PTPN3: variants seen among roughly 807,000 people sequenced by gnomAD.
The protein encoded by PTPN3 is protein tyrosine phosphatase non-receptor type 3.
A neutral mutation model predicts 132.7 loss-of-function variants in PTPN3; 96 were observed. The observed-to-expected ratio is 0.72, with a 90% confidence interval of 0.61 to 0.86. The LOEUF (loss-of-function observed/expected upper bound fraction) is 0.86, where lower values mean the gene tolerates loss of function less well. Among genes scored for constraint, PTPN3 ranks in the 40% least tolerant of loss-of-function variants. The pLI, the probability that PTPN3 is intolerant of heterozygous loss-of-function variation, is 0.00. For missense variants in PTPN3, 1,125 were observed against 1,159.6 expected, an observed-to-expected ratio of 0.97 and a Z score of 0.43; for synonymous variants, 398 against 429.0, an observed-to-expected ratio of 0.93 and a Z score of 0.89.
chr9:109,505,986 C>T, the PTPN3 span, among the ~76,000 whole-genome samples: 9 of 151,626 alleles, frequency 5.9e-5, no homozygotes, highest in African/African-American at 1.2e-4. Flanking sequence ...CTCCTGACCT[C>T]GTGATCCGCC....
At chr9:109,485,635 C>G (rs1045923989) in intron 1 of PTPN3, among the ~76,000 whole-genome samples, 1 of 152,250 alleles carries the variant, frequency 6.6e-6, no homozygotes, top group Non-Finnish European at 1.5e-5. Flanking sequence ...AGCTCCCCTT[C>G]CCCGCCCAGT....
intron 21 of PTPN3, among the ~76,000 whole-genome samples, chr9:109,389,869 C>G (rs536469437): frequency 6.6e-6 from 1 of 152,178 alleles, no homozygotes; most frequent in Admixed American, 6.5e-5. Context: ...TGAAGTTGGT[C>G]AATCTTGACA....
chr9:109,510,486 A>G, the PTPN3 span, among the ~76,000 whole-genome samples: 1 of 149,846 alleles, frequency 6.7e-6, no homozygotes, highest in African/African-American at 2.5e-5. Context: ...TGAACCCCGG[A>G]GGCAGAGGTT....
the PTPN3 span, among the ~76,000 whole-genome samples, chr9:109,520,019 C>T: frequency 1.3e-5 from 2 of 152,020 alleles, no homozygotes; most frequent in African/African-American, 4.8e-5. Context: ...ATTAGCCAGG[C>T]GTGGTGGTGG....
chr9:109,449,519 G>T, intron 5 of PTPN3: 1 of 985,558 alleles, frequency 1.0e-6, no homozygotes, highest in Non-Finnish European at 1.2e-6. Flanking sequence ...TTGTGGGCAA[G>T]TCGTGGCAGG....
chr9:109,422,680 T>C (rs369960761), intron 13 of PTPN3, 38 bp downstream of exon 13: 91 of 1,528,980 alleles, frequency 6.0e-5, no homozygotes, highest in Non-Finnish European at 7.4e-5. Flanking sequence ...AAGTGTCTAC[T>C]GTTGGGTAGT....
At chr9:109,497,610 G>T (rs76954947) in intron 1 of PTPN3, among the ~76,000 whole-genome samples, 1 of 152,182 alleles carries the variant, frequency 6.6e-6, no homozygotes, top group Non-Finnish European at 1.5e-5. Flanking sequence ...TTTCGGGGGG[G>T]CTGGGCACTC....
the PTPN3 span, chr9:109,533,808 C>G: frequency 1.0e-6 from 1 of 976,266 alleles, no homozygotes; most frequent in South Asian, 1.5e-5. Flanking sequence ...GGAGCACGCT[C>G]CCATCCCTCG....
At chr9:109,407,741 A>G (rs1588348644) in intron 17 of PTPN3, among the ~76,000 whole-genome samples, 1 of 152,160 alleles carries the variant, frequency 6.6e-6, no homozygotes, top group East Asian at 1.9e-4. Context: ...GATGGGTTTC[A>G]CCCTGTTGGC....
chr9:109,534,170 C>T, the PTPN3 span: 5 of 921,112 alleles, frequency 5.4e-6, no homozygotes, highest in South Asian at 1.3e-5. Flanking sequence ...GTTGCGATGA[C>T]CTTCTTGTCC....
chr9:109,490,019 TAAA>T (rs993714165), intron 1 of PTPN3, among the ~76,000 whole-genome samples: 9 of 151,470 alleles, frequency 5.9e-5, no homozygotes, highest in African/African-American at 1.9e-4. Flanking sequence ...TCATCTCTAT[TAAA>T]AATACAAAAA....
chr9:109,492,586 G>A (rs1847512271), intron 1 of PTPN3, among the ~76,000 whole-genome samples: 1 of 152,158 alleles, frequency 6.6e-6, no homozygotes, highest in South Asian at 2.1e-4. Flanking sequence ...AACTTAAAGG[G>A]AATAGGTGCA....
In PTPN3 at chr9:109,428,610, TA is replaced by T; in HGVS notation, c.828+10del. 1 of 1,612,370 alleles carries T rather than the reference TA, an allele frequency of 6.2e-7. No individual in the cohort carries two copies. Among genetic ancestry groups the T allele is most frequent in the Non-Finnish European group, 8.5e-7 (1 of 1,178,570 alleles). ...GCACGAAACAAAGCAAGCAAAGACA[TA>T]ACTACTCACCTGTTTCTGTCGCTGA... On this transcript the variant is annotated intron_variant, in intron 11 of 25. Transcript: ENST00000374541.
At chr9:109,511,071 T>C in the PTPN3 span, among the ~76,000 whole-genome samples, 1 of 152,148 alleles carries the variant, frequency 6.6e-6, no homozygotes, top group Admixed American at 6.5e-5. Context: ...TAGGGGCATA[T>C]TTTTATATCA....
chr9:109,500,449 A>G (rs768584655), upstream of PTPN3, among the ~76,000 whole-genome samples: 32 of 152,286 alleles, frequency 2.1e-4, no homozygotes, highest in Middle Eastern at 6.8e-3. Flanking sequence ...TTAAATCACC[A>G]TAACAGAAGC....
intron 21 of PTPN3, 32 bp from the exon 22 acceptor site, chr9:109,389,411 G>A (rs1382768942): frequency 1.2e-6 from 2 of 1,600,850 alleles, no homozygotes; most frequent in South Asian, 2.2e-5. Flanking sequence ...ATTAGAATCT[G>A]TTGCTGCCCC....
the PTPN3 span, among the ~76,000 whole-genome samples, chr9:109,523,261 C>T: frequency 1.5e-4 from 23 of 151,974 alleles, no homozygotes; most frequent in South Asian, 6.3e-4. Flanking sequence ...ACTACAGGCA[C>T]GTGCCACCAT....
At chr9:109,383,325 C>T (rs59979489) in intron 23 of PTPN3, 98 bp downstream of exon 23, 17 of 1,597,106 alleles carry the variant, frequency 1.1e-5, no homozygotes, top group Admixed American at 3.3e-5. Context: ...TTGCCAGGTG[C>T]AAACAGAGTG....
At chr9:109,536,498 G>A in the PTPN3 span, among the ~76,000 whole-genome samples, 4 of 152,274 alleles carry the variant, frequency 2.6e-5, no homozygotes, top group Non-Finnish European at 5.9e-5. Flanking sequence ...GCAATGATAC[G>A]ATGCCTTTAA....
Sources: gnomAD v4.1 joint callset for allele counts (sites outside exome capture counted in the v4.1 genomes callset) on GRCh38, gnomAD v4.1.1 for gene constraint, MANE v1.5 for transcripts, NCBI Gene and HGNC (gene_info 2026-07-23, HGNC 2026-07-21) for gene names.